CSMD1: variants seen among roughly 807,000 people sequenced by gnomAD.
CSMD1 encodes CUB and sushi domain-containing protein 1.
A neutral mutation model predicts 417.5 loss-of-function variants in CSMD1; 213 were observed. That is an observed-to-expected ratio of 0.51 (90% confidence interval 0.46 to 0.57). The LOEUF (loss-of-function observed/expected upper bound fraction) is 0.57. Among genes scored for constraint, CSMD1 ranks in the 20% least tolerant of loss-of-function variants. The probability of loss-of-function intolerance (pLI) is 0.00; values close to 1 mark genes in which losing one functional copy is unlikely to be tolerated. For synonymous variants in CSMD1, 2,862 were observed against 1,736.8 expected (o/e 1.65, Z -16.11); for missense variants, 6,923 against 4,529.7 (o/e 1.53, Z -15.17).
chr8:4,800,745 C>T (rs976175066), intron 1 of CSMD1, among the ~76,000 whole-genome samples: 5 of 152,172 alleles, frequency 3.3e-5, no homozygotes, highest in African/African-American at 9.6e-5. Context: ...CCTCTGGCCA[C>T]TTTGGTGGGA....
In CSMD1 at chr8:4,884,036, T is replaced by C. The variant is rs376023078; in HGVS notation, c.85+110296A>G. 5.9e-5 allele frequency among the ~76,000 whole-genome samples: 9 copies of C among 152,202 alleles called. No homozygotes were observed. In the South Asian group the frequency reaches 1.7e-3, roughly 28 times the overall value. ...TTGATAATAGCCTTCGTAGTGAATG[T>C]CAAATGGTGTCTCACTATGGTTGGA... On this transcript the variant is annotated intron_variant, in intron 1 of 69. Transcript: ENST00000635120.
At chr8:4,334,668 T>C (rs1393316083) in intron 3 of CSMD1, among the ~76,000 whole-genome samples, 1 of 152,172 alleles carries the variant, frequency 6.6e-6, no homozygotes, top group Non-Finnish European at 1.5e-5. Flanking sequence ...AGAGAAGCTG[T>C]AAATCCTCAA....
At chr8:4,406,573 G>C (rs1022288189) in intron 3 of CSMD1, among the ~76,000 whole-genome samples, 1 of 152,058 alleles carries the variant, frequency 6.6e-6, no homozygotes, top group Non-Finnish European at 1.5e-5. Context: ...GTAGGCATAT[G>C]AGCTTCTGAG....
intron 2 of CSMD1, among the ~76,000 whole-genome samples, chr8:4,447,669 A>G (rs1031038684): frequency 1.3e-5 from 2 of 152,080 alleles, no homozygotes; most frequent in Non-Finnish European, 2.9e-5. Flanking sequence ...TGGTTTCCAC[A>G]CTCTCCTGTG....
At chr8:4,135,639 G>C (rs943274592) in intron 3 of CSMD1, among the ~76,000 whole-genome samples, 2 of 152,046 alleles carry the variant, frequency 1.3e-5, no homozygotes, top group African/African-American at 4.8e-5. Flanking sequence ...AAAGATGTTT[G>C]GGATAATATA....
At chr8:4,044,484 G>A (rs943050767) in intron 3 of CSMD1, among the ~76,000 whole-genome samples, 2 of 152,140 alleles carry the variant, frequency 1.3e-5, no homozygotes, top group African/African-American at 4.8e-5. Context: ...CATCTCAGGG[G>A]ACCAGCGACC....
chr8:3,968,044 G>A (rs1011169596), intron 5 of CSMD1, among the ~76,000 whole-genome samples: 3 of 139,530 alleles, frequency 2.2e-5, no homozygotes, highest in African/African-American at 5.4e-5. Context: ...AAAATTAGCC[G>A]GGAGTGGTGG....
At chr8:2,969,589 T>G (rs1457191911) in intron 57 of CSMD1, among the ~76,000 whole-genome samples, 1 of 152,168 alleles carries the variant, frequency 6.6e-6, no homozygotes, top group Non-Finnish European at 1.5e-5. Context: ...TTTGACAGAT[T>G]TAGAGGAAAT....
intron 1 of CSMD1, among the ~76,000 whole-genome samples, chr8:4,966,215 A>G (rs888826455): frequency 6.7e-6 from 1 of 150,090 alleles, no homozygotes; most frequent in Non-Finnish European, 1.5e-5. Context: ...TATACAAAAA[A>G]AAAAAAAAAA....
chr8:3,521,590 CCTT>C (rs1439922262), intron 10 of CSMD1, among the ~76,000 whole-genome samples: 1 of 152,106 alleles, frequency 6.6e-6, no homozygotes, highest in Non-Finnish European at 1.5e-5. Context: ...CATCATTGCT[CCTT>C]CTTGGTGTTT....
chr8:4,761,150 G>C (rs1812015547), intron 1 of CSMD1, among the ~76,000 whole-genome samples: 1 of 152,042 alleles, frequency 6.6e-6, no homozygotes, highest in Admixed American at 6.6e-5. Flanking sequence ...TAAAGGAAAT[G>C]AAAAAAGTCA....
At chr8:4,084,508 C>A (rs1485485201) in intron 3 of CSMD1, among the ~76,000 whole-genome samples, 2 of 151,924 alleles carry the variant, frequency 1.3e-5, no homozygotes, top group Non-Finnish European at 2.9e-5. Context: ...CATTTTAATC[C>A]TGTTTTTATT....
At chr8:3,995,353 A>G (rs1240124832) in intron 5 of CSMD1, among the ~76,000 whole-genome samples, 3 of 151,494 alleles carry the variant, frequency 2.0e-5, no homozygotes, top group Non-Finnish European at 4.4e-5. Context: ...GACTATTATG[A>G]TAAACATTAA....
intron 5 of CSMD1, among the ~76,000 whole-genome samples, chr8:3,859,249 C>G (rs1804524079): frequency 2.0e-5 from 3 of 152,360 alleles, no homozygotes. Flanking sequence ...GAACGCCATT[C>G]AATCCCACTC....
chr8:4,967,384 C>A (rs1476885629), intron 1 of CSMD1, among the ~76,000 whole-genome samples: 1 of 152,030 alleles, frequency 6.6e-6, no homozygotes, highest in African/African-American at 2.4e-5. Flanking sequence ...CATGATAAAG[C>A]CATTTTGCCT....
At chr8:3,247,749 A>G (rs1585786016) in intron 26 of CSMD1, among the ~76,000 whole-genome samples, 1 of 152,222 alleles carries the variant, frequency 6.6e-6, no homozygotes, top group African/African-American at 2.4e-5. Context: ...GAAATGTTAC[A>G]CTAAAAAAAC....
chr8:4,036,960 T>G (rs558278886), intron 3 of CSMD1, among the ~76,000 whole-genome samples: 3 of 11,300 alleles, frequency 2.7e-4, no homozygotes, highest in African/African-American at 1.6e-3. Context: ...GTGTGGGGTG[T>G]GTGTGTGTGT....
chr8:4,970,124 C>G (rs1224504560), intron 1 of CSMD1, among the ~76,000 whole-genome samples: 2 of 149,522 alleles, frequency 1.3e-5, no homozygotes, highest in South Asian at 4.2e-4. Context: ...TGTAAAAATT[C>G]TATACACATT....
intron 2 of CSMD1, among the ~76,000 whole-genome samples, chr8:4,601,175 G>A (rs190044935): frequency 7.9e-5 from 12 of 152,144 alleles, no homozygotes; most frequent in South Asian, 2.1e-4. Context: ...GGCTGGTCTC[G>A]AACTCCTAAC....
Sources: gnomAD v4.1 joint callset for allele counts (sites outside exome capture counted in the v4.1 genomes callset) on GRCh38, gnomAD v4.1.1 for gene constraint, MANE v1.5 for transcripts, NCBI Gene and HGNC (gene_info 2026-07-23, HGNC 2026-07-21) for gene names.